Variants in CSMD2 observed in about 807,000 individuals in gnomAD.
CSMD2 encodes the protein CUB and Sushi multiple domains 2.
A neutral mutation model predicts 398.5 loss-of-function variants in CSMD2; 130 were observed. The ratio of observed to expected loss-of-function variants is 0.33; its 90% confidence interval spans 0.28 to 0.38. The LOEUF is 0.38. Ranked by LOEUF, CSMD2 falls within the 10% of genes least tolerant of loss-of-function variation. CSMD2 has a pLI of 1.00. For missense variants in CSMD2, 3,829 were observed against 4,764.9 expected (o/e 0.80, Z 5.78); for synonymous variants, 1,828 against 1,908.5 (o/e 0.96, Z 1.10).
chr1:33,911,710 A>G (rs1413059629), intron 5 of CSMD2, among the ~76,000 whole-genome samples: 1 of 152,236 alleles, frequency 6.6e-6, no homozygotes, highest in Non-Finnish European at 1.5e-5. Context: ...TCTCTTTCCA[A>G]AAACAGCCAA....
At chr1:33,934,217 A>G (rs1644397556) in intron 4 of CSMD2, among the ~76,000 whole-genome samples, 1 of 152,182 alleles carries the variant, frequency 6.6e-6, no homozygotes, top group Admixed American at 6.5e-5. Context: ...TGACTTCTCA[A>G]CTCCTGGAAA....
At chr1:34,034,578 T>C (rs1428114324) in intron 2 of CSMD2, among the ~76,000 whole-genome samples, 1 of 152,218 alleles carries the variant, frequency 6.6e-6, no homozygotes, top group African/African-American at 2.4e-5. Flanking sequence ...ACCCTGATGA[T>C]GTATTTTTCA....
chr1:33,776,792 G>A (rs1358048447), intron 12 of CSMD2, among the ~76,000 whole-genome samples: 2 of 152,022 alleles, frequency 1.3e-5, no homozygotes, highest in African/African-American at 4.8e-5. Flanking sequence ...GAATGAAGAA[G>A]GAAAGAGGTG....
At chr1:33,910,671 G>A (rs894493483) in intron 5 of CSMD2, among the ~76,000 whole-genome samples, 1 of 152,196 alleles carries the variant, frequency 6.6e-6, no homozygotes, top group Non-Finnish European at 1.5e-5. Context: ...CATTAGGAAA[G>A]ATATGCTCCC....
chr1:33,684,764 G>C (rs922989399), intron 25 of CSMD2, among the ~76,000 whole-genome samples: 1 of 152,314 alleles, frequency 6.6e-6, no homozygotes, highest in East Asian at 1.9e-4. Flanking sequence ...GTTCTTTAAA[G>C]TGCAGCTGGA....
At position 33,633,414 on chromosome 1, in the gene CSMD2, C is replaced by T. The variant is rs960167718; in HGVS notation, c.5200+8G>A. On this transcript the variant is annotated splice_region_variant and intron_variant, in intron 32 of 70. Coordinates refer to ENST00000373381, the MANE Select transcript of CSMD2 (RefSeq NM_001281956.2). This position sits in a 1 kb window ranked among gnomAD's most constrained non-coding sequence, Gnocchi z 5.0. The stretch of plus-strand genomic sequence containing the variant: ...CAACCATCCCCACACTGGCCGAGCC[C>T]CGGATACCTGTATGGGAGCCCGAGA... The T allele has an allele frequency of 2.6e-6, 4 of 1,547,986 alleles. No individual in the cohort carries two copies. In the African/African-American group the frequency reaches 5.5e-5, roughly 21 times the overall value.
At chr1:33,750,077 C>T (rs2149271099) in intron 13 of CSMD2, among the ~76,000 whole-genome samples, 1 of 152,120 alleles carries the variant, frequency 6.6e-6, no homozygotes, top group South Asian at 2.1e-4. Flanking sequence ...ACAAAAACAA[C>T]AAAACTGTAC....
rs5773425 is a variant in CSMD2, at chr1:33,700,010, AT to A, written c.3733+506del. On this transcript the variant is annotated intron_variant, in intron 23 of 70. Transcript: ENST00000373381. ...TGTCAAAGCATGTATACTTTACTCC[AT>A]TTTTTTTTTTCTTTTTTTAGACAGT... is the stretch of plus-strand genomic sequence containing the variant. 2.7e-3 allele frequency among the ~76,000 whole-genome samples: 394 copies of A among 148,488 alleles called. 1 individual carries two copies. The highest frequency in any genetic ancestry group is 8.5e-3 in the African/African-American group (343 of 40,312).
chr1:33,932,785 T>C (rs541463536), intron 4 of CSMD2, among the ~76,000 whole-genome samples: 127 of 152,188 alleles, frequency 8.3e-4, no homozygotes, highest in African/African-American at 3.0e-3. Context: ...TTCAGGAAAA[T>C]ACTACCCTAT....
intron 28 of CSMD2, among the ~76,000 whole-genome samples, chr1:33,650,754 C>T (rs1643714372): frequency 1.3e-5 from 2 of 152,080 alleles, no homozygotes; most frequent in Admixed American, 1.3e-4. Flanking sequence ...TAAGGTGTGC[C>T]ACTCTATCAG....
chr1:33,584,038 A>G (rs1382946361), intron 46 of CSMD2, among the ~76,000 whole-genome samples: 1 of 152,100 alleles, frequency 6.6e-6, no homozygotes. Context: ...CTGGGACTTG[A>G]GCTTTGCCAG....
intron 32 of CSMD2, among the ~76,000 whole-genome samples, chr1:33,627,091 T>C (rs1642173715): frequency 6.6e-6 from 1 of 152,138 alleles, no homozygotes; most frequent in Non-Finnish European, 1.5e-5. Context: ...TCCTGTGAAA[T>C]GATTACCAGA....
rs1244873820 is a variant in CSMD2, at chr1:33,798,779, G to C, written c.1447-6253C>G. 4.6e-5 allele frequency among the ~76,000 whole-genome samples: 7 copies of C among 152,334 alleles called. No individual in the cohort carries two copies. The South Asian group carries it at 1.4e-3, about 32-fold the overall frequency. On this transcript the variant is annotated intron_variant, in intron 10 of 70. Transcript: ENST00000373381. ...AGCCACCTTGTCCTGAGAATCATGG[G>C]AGATGGAGTGGGACCCTGGAGGACA...
chr1:33,956,003 T>C (rs963772530), intron 3 of CSMD2, among the ~76,000 whole-genome samples: 4 of 152,176 alleles, frequency 2.6e-5, no homozygotes, highest in Admixed American at 6.5e-5. Flanking sequence ...CCTGTGTTCC[T>C]GGAAGCAGGG....
chr1:33,899,538 T>C (rs2125232100), intron 5 of CSMD2, among the ~76,000 whole-genome samples: 1 of 152,268 alleles, frequency 6.6e-6, no homozygotes. Context: ...ACTCCTGGCA[T>C]GTCGTTGGTA....
chr1:33,700,008 C>G (rs1035089141), intron 23 of CSMD2, among the ~76,000 whole-genome samples: 3 of 40,890 alleles, frequency 7.3e-5, no homozygotes, highest in Non-Finnish European at 1.3e-4. Context: ...ATACTTTACT[C>G]CATTTTTTTT....
intron 5 of CSMD2, chr1:33,860,841 AGT>A (rs1424653796): frequency 1.3e-5 from 2 of 152,340 alleles, no homozygotes; most frequent in Non-Finnish European, 2.9e-5. Context: ...TTGTCTGGAC[AGT>A]GTTTTTCAAA....
chr1:33,985,560 C>T (rs979067045), intron 3 of CSMD2, among the ~76,000 whole-genome samples: 1 of 152,188 alleles, frequency 6.6e-6, no homozygotes, highest in African/African-American at 2.4e-5. Context: ...TCGAAACGTA[C>T]CCGAGTGTGA....
intron 57 of CSMD2, among the ~76,000 whole-genome samples, chr1:33,543,269 A>G (rs1241702800): frequency 1.9e-4 from 29 of 152,242 alleles, no homozygotes; most frequent in Admixed American, 1.9e-3. Flanking sequence ...GGGTCCACAC[A>G]TGACATTTGG....
Sources: gnomAD v4.1 joint callset for allele counts (sites outside exome capture counted in the v4.1 genomes callset) on GRCh38, gnomAD v4.1.1 for gene constraint, Gnocchi (gnomAD v3.1) non-coding constraint, MANE v1.5 for transcripts, NCBI Gene and HGNC (gene_info 2026-07-23, HGNC 2026-07-21) for gene names.